Variants in UNC79 observed in about 807,000 individuals in gnomAD.
UNC79 encodes protein unc-79 homolog.
In UNC79, 37 loss-of-function variants were observed where a neutral mutation model predicts 283.1. That is an observed-to-expected ratio of 0.13 (90% CI 0.10 to 0.17). The LOEUF (loss-of-function observed/expected upper bound fraction) is 0.17, where lower values mean the gene tolerates loss of function less well. Ranked by LOEUF, UNC79 falls within the 10% of genes least tolerant of loss-of-function variation. UNC79 has a pLI of 1.00. For missense variants in UNC79, 2,272 were observed against 3,211.1 expected, an observed-to-expected ratio of 0.71 and a Z score of 7.07; for synonymous variants, 1,107 against 1,200.2, an observed-to-expected ratio of 0.92 and a Z score of 1.61.
rs1332364943 is a variant in UNC79 at position 93,430,602 on chromosome 14, C to T, written c.-428C>T. 1 of 159,462 alleles carries T rather than the reference C, an allele frequency of 6.3e-6. No homozygotes were observed. Among genetic ancestry groups the T allele is most frequent in the Non-Finnish European group, 1.4e-5 (1 of 72,276 alleles). The allele number at this position is 159,462 out of a possible 1,614,324, so 9.9% of individuals were successfully genotyped here. On this transcript the variant is annotated 5_prime_UTR_variant, in exon 1 of 49. Transcript: ENST00000555664. This position sits in a 1 kb window ranked among gnomAD's most constrained non-coding sequence, Gnocchi z 4.6. ...AATGGGAGATCCAAATGGTCGGGGA[C>T]TCCGGCGCTTTAAGAGGCTTTTCTC...
At chr14:93,458,271 A>C (rs2056849969) in intron 1 of UNC79, among the ~76,000 whole-genome samples, 1 of 152,244 alleles carries the variant, frequency 6.6e-6, no homozygotes, top group African/African-American at 2.4e-5. Context: ...GCACTGGCAA[A>C]GAATGGGGAA....
intron 5 of UNC79, among the ~76,000 whole-genome samples, chr14:93,492,825 T>G (rs1206851676): frequency 1.3e-5 from 2 of 152,220 alleles, no homozygotes; most frequent in African/African-American, 4.8e-5. Context: ...TTGGAACATC[T>G]GCACTTGAGA....
chr14:93,693,077 G>A (rs953975104), intron 46 of UNC79, among the ~76,000 whole-genome samples: 3 of 152,158 alleles, frequency 2.0e-5, no homozygotes, highest in Admixed American at 2.0e-4. Context: ...TTCTTAATTA[G>A]AAAGGGGATG....
chr14:93,586,720 T>C, intron 21 of UNC79, 40 bp from the exon 22 acceptor site: 1 of 1,613,068 alleles, frequency 6.2e-7, no homozygotes, highest in Non-Finnish European at 8.5e-7. Flanking sequence ...GTAGCATTAC[T>C]GTTTTGGATA....
Position 93,537,973 on chromosome 14 carries a change from C to T in UNC79, c.1123-16C>T, listed in dbSNP as rs772790694. ...CGGTGGTCAATTTTAATTGATTTCA[C>T]TTTCTTGGCTTCTAGAACTGCAGTT... is the stretch of plus-strand genomic sequence containing the variant. On this transcript the variant is annotated splice_polypyrimidine_tract_variant and intron_variant, in intron 11 of 48. Coordinates refer to ENST00000555664, the Ensembl canonical transcript of UNC79. 1 of 1,595,470 alleles carries T rather than the reference C, an allele frequency of 6.3e-7. No homozygotes were observed. Among genetic ancestry groups the T allele is most frequent in the South Asian group, 1.1e-5 (1 of 88,294 alleles).
chr14:93,706,267 C>G (rs1462115967), intron 48 of UNC79, among the ~76,000 whole-genome samples: 2 of 152,130 alleles, frequency 1.3e-5, no homozygotes, highest in African/African-American at 4.8e-5. Context: ...CCCCCCTTTA[C>G]CCATGAGAAA....
chr14:93,490,747 C>G (rs1052716056), intron 5 of UNC79, among the ~76,000 whole-genome samples: 3 of 152,104 alleles, frequency 2.0e-5, no homozygotes, highest in East Asian at 1.9e-4. Flanking sequence ...TACTGCTTTC[C>G]TCTTCTCTTT....
intron 46 of UNC79, among the ~76,000 whole-genome samples, chr14:93,693,152 G>T (rs972546244): frequency 6.6e-6 from 1 of 152,204 alleles, no homozygotes; most frequent in Admixed American, 6.5e-5. Context: ...AATTCTATGT[G>T]TAGAGAGATG....
chr14:93,702,158 A>AT (rs1255835377), intron 47 of UNC79, among the ~76,000 whole-genome samples: 7 of 151,914 alleles, frequency 4.6e-5, no homozygotes, highest in South Asian at 4.2e-4. Flanking sequence ...GACTAGATAA[A>AT]TTTTTTTTTT....
intron 7 of UNC79, among the ~76,000 whole-genome samples, chr14:93,498,139 G>A (rs1316301593): frequency 3.4e-3 from 4 of 1,180 alleles, no homozygotes; most frequent in Non-Finnish European, 0.012. Context: ...TTTGTTGCTT[G>A]TGCCTGTAAT....
At chr14:93,556,722 C>G (rs2062197475) in intron 14 of UNC79, among the ~76,000 whole-genome samples, 1 of 149,878 alleles carries the variant, frequency 6.7e-6, no homozygotes, top group South Asian at 2.1e-4. Context: ...TTCAAAAAAA[C>G]AAGATCCAAG....
At chr14:93,420,811 A>G (rs2055580348) in intron 1 of UNC79, among the ~76,000 whole-genome samples, 1 of 151,810 alleles carries the variant, frequency 6.6e-6, no homozygotes, top group Non-Finnish European at 1.5e-5. Context: ...GGAACTTTGG[A>G]AACTCTACAA....
In UNC79 at chr14:93,593,660, G is replaced by T. The variant is rs1174844187; in HGVS notation, c.3033-20G>T. 5.0e-6 allele frequency: 8 copies of T among 1,595,158 alleles called. No homozygotes were observed. The highest frequency in any genetic ancestry group is 2.7e-5 in the African/African-American group (2 of 73,850). On this transcript the variant is annotated intron_variant, in intron 22 of 48. Transcript: ENST00000555664. Reference sequence around the variant, plus strand: ...AAGTTGTGATAACTGTCACCACTTTGCTTCTCCTTGATTCCCTAGCCTGTG... The same window carrying T: ...AAGTTGTGATAACTGTCACCACTTTTCTTCTCCTTGATTCCCTAGCCTGTG...
At chr14:93,486,675 A>AAAAGAAAG (rs1555423877) in intron 4 of UNC79, among the ~76,000 whole-genome samples, 1 of 148,008 alleles carries the variant, frequency 6.8e-6, no homozygotes, top group Non-Finnish European at 1.5e-5. Context: ...AAAAAAAAAA[A>AAAAGAAAG]AAAGAAAGAA....
At chr14:93,518,287 GT>G (rs572023550) in intron 7 of UNC79, among the ~76,000 whole-genome samples, 8 of 151,488 alleles carry the variant, frequency 5.3e-5, no homozygotes, top group Admixed American at 2.0e-4. Flanking sequence ...ATAGTTATGG[GT>G]TTTTTTTACT....
intron 4 of UNC79, among the ~76,000 whole-genome samples, chr14:93,480,022 C>T (rs1401953182): frequency 6.6e-6 from 1 of 152,180 alleles, no homozygotes; most frequent in African/African-American, 2.4e-5. Flanking sequence ...AATATCAGGC[C>T]TCTGAAGTTA....
At chr14:93,586,521 A>G (rs1295351160) in intron 20 of UNC79, 75 bp from the exon 21 acceptor site, 1 of 1,367,878 alleles carries the variant, frequency 7.3e-7, no homozygotes, top group African/African-American at 1.5e-5. Context: ...CTTGGTTTTT[A>G]TGATCTTGAT....
chr14:93,668,525 A>G (rs1161597079), intron 40 of UNC79, among the ~76,000 whole-genome samples: 2 of 151,666 alleles, frequency 1.3e-5, no homozygotes, highest in Non-Finnish European at 2.9e-5. Flanking sequence ...AGCCTGGGCA[A>G]CAAGGCGAGA....
upstream of UNC79, among the ~76,000 whole-genome samples, chr14:93,426,477 T>C (rs2055729995): frequency 7.9e-5 from 12 of 151,106 alleles, no homozygotes; most frequent in Admixed American, 7.9e-4. Context: ...TTTATCCTCT[T>C]CTTCTGTGAG....
Sources: gnomAD v4.1 joint callset for allele counts (sites outside exome capture counted in the v4.1 genomes callset) on GRCh38, gnomAD v4.1.1 for gene constraint, Gnocchi (gnomAD v3.1) non-coding constraint, MANE v1.5 for transcripts, NCBI Gene and HGNC (gene_info 2026-07-23, HGNC 2026-07-21) for gene names.